UPF2: variants seen among roughly 807,000 people sequenced by gnomAD.
UPF2 encodes regulator of nonsense transcripts 2.
A neutral mutation model predicts 141.4 loss-of-function variants in UPF2; 17 were observed. The observed-to-expected ratio is 0.12, with a 90% confidence interval of 0.08 to 0.18. The LOEUF is 0.18. UPF2 is among the 10% of genes least tolerant of loss of function. UPF2 has a pLI of 1.00. For missense variants in UPF2, 1,152 were observed against 1,515.9 expected (o/e 0.76, Z 3.99); for synonymous variants, 540 against 498.0 (o/e 1.08, Z -1.12).
At chr10:12,026,325 A>G (rs374766477) in intron 3 of UPF2, among the ~76,000 whole-genome samples, 243 of 152,332 alleles carry the variant, frequency 1.6e-3, no homozygotes, top group African/African-American at 5.7e-3. Context: ...ACAACAAGGT[A>G]GCTATAAAAA....
chr10:12,004,670 T>G lies in UPF2; in HGVS notation c.1364A>C (p.Glu455Ala), dbSNP rs1221064900. 1 of 1,613,822 alleles carries G rather than the reference T, an allele frequency of 6.2e-7. No homozygotes were observed. Among genetic ancestry groups the G allele is most frequent in the East Asian group, 2.2e-5 (1 of 44,796 alleles). ...ATCTTCATCTTCCCATATACCACCT[T>G]CCAAGTCATATTCTCCAGGTTTACC... is the stretch of plus-strand genomic sequence containing the variant. ...TPGKPGEYDL[E>A]GGIWEDEDAR... The change falls in exon 5 of 22, where the codon GAA becomes GCA. Residue 455 changes from glutamate to alanine, a missense_variant. Around this residue, in one of 4 missense-constraint regions of UPF2, gnomAD observed 739 missense variants for 1,032.2 expected, o/e 0.72. Transcript: ENST00000357604.
intron 2 of UPF2, among the ~76,000 whole-genome samples, chr10:12,032,002 G>A (rs1419280289): frequency 6.6e-6 from 1 of 152,180 alleles, no homozygotes; most frequent in Non-Finnish European, 1.5e-5. Context: ...TTTTAAGAAA[G>A]TATGTACAAG....
intron 9 of UPF2, among the ~76,000 whole-genome samples, chr10:11,976,346 G>T (rs1833506692): frequency 6.6e-6 from 1 of 152,236 alleles, no homozygotes; most frequent in African/African-American, 2.4e-5. Context: ...AGTGGCAGGA[G>T]GTATGAAGAG....
chr10:11,961,720 G>T (rs528910039), intron 11 of UPF2, among the ~76,000 whole-genome samples: 25 of 152,182 alleles, frequency 1.6e-4, no homozygotes, highest in Non-Finnish European at 3.4e-4. Flanking sequence ...ACCTAAAACA[G>T]TGCCTGACAG....
chr10:12,012,542 G>C (rs1834146672), intron 4 of UPF2, among the ~76,000 whole-genome samples: 1 of 152,018 alleles, frequency 6.6e-6, no homozygotes, highest in Non-Finnish European at 1.5e-5. Flanking sequence ...CACATTGGGA[G>C]GCCGAGGTGT....
intron 2 of UPF2, among the ~76,000 whole-genome samples, chr10:12,032,633 G>C (rs1834545458): frequency 6.6e-6 from 1 of 151,822 alleles, no homozygotes; most frequent in Non-Finnish European, 1.5e-5. Context: ...AGCTACTCAA[G>C]AGGCAGAGGC....
chr10:12,032,732 T>A (rs571155108), intron 2 of UPF2, among the ~76,000 whole-genome samples: 2 of 133,210 alleles, frequency 1.5e-5, no homozygotes, highest in Non-Finnish European at 3.2e-5. Context: ...AGCAAGACCC[T>A]GTCTCAAAAA....
At chr10:11,991,786 A>C (rs1445014423) in intron 8 of UPF2, among the ~76,000 whole-genome samples, 1 of 152,208 alleles carries the variant, frequency 6.6e-6, no homozygotes, top group East Asian at 1.9e-4. Context: ...CATAGCCCCA[A>C]TTCTGAACAT....
chr10:11,942,959 AT>A (rs2131171286), intron 17 of UPF2, 104 bp downstream of exon 17: 2 of 983,872 alleles, frequency 2.0e-6, no homozygotes, highest in East Asian at 5.2e-5. Flanking sequence ...TTCTAAAGAA[AT>A]ATTTTTCATA....
chr10:11,938,868 T>TTTTTTTTTTTTTTTTG (rs1832897282), intron 18 of UPF2, among the ~76,000 whole-genome samples: 7 of 90,822 alleles, frequency 7.7e-5, no homozygotes, highest in African/African-American at 1.5e-4. Context: ...TTTTTTTTTT[T>TTTTTTTTTTTTTTTTG]TTTTTTTTTT....
At chr10:11,926,441 C>CA (rs2131146408) in intron 21 of UPF2, among the ~76,000 whole-genome samples, 1 of 152,252 alleles carries the variant, frequency 6.6e-6, no homozygotes, top group Non-Finnish European at 1.5e-5. Flanking sequence ...GAAGAGGGCC[C>CA]AGGCTGAGCC....
At chr10:12,021,501 G>A (rs982443272) in intron 3 of UPF2, among the ~76,000 whole-genome samples, 4 of 152,068 alleles carry the variant, frequency 2.6e-5, no homozygotes, top group South Asian at 2.1e-4. Context: ...CAGCCTGGGT[G>A]ACAGGGAAAG....
chr10:12,018,353 C>T (rs561094554), intron 3 of UPF2, among the ~76,000 whole-genome samples: 2 of 152,094 alleles, frequency 1.3e-5, no homozygotes, highest in East Asian at 1.9e-4. Context: ...GAGGCTGAGG[C>T]GGGTGGACCA....
intron 8 of UPF2, among the ~76,000 whole-genome samples, chr10:11,991,690 T>C (rs1434560874): frequency 3.3e-5 from 5 of 151,934 alleles, no homozygotes; most frequent in African/African-American, 4.8e-5. Context: ...CAAATGACTA[T>C]TGAGTGACAC....
chr10:11,953,746 A>C lies in UPF2; in HGVS notation c.2850+1486T>G, dbSNP rs76034226. 7.1e-3 allele frequency among the ~76,000 whole-genome samples: 1,080 copies of C among 152,268 alleles called. 15 individuals carry two copies. Among genetic ancestry groups the C allele is most frequent in the African/African-American group, 0.024 (1,010 of 41,532 alleles). On this transcript the variant is annotated intron_variant, in intron 14 of 21. Coordinates refer to ENST00000357604, the MANE Select transcript of UPF2 (RefSeq NM_015542.4). The surrounding 1 kb of genome is among the most constrained non-coding windows in gnomAD (Gnocchi z 5.0). ...CATACAACAGGGACTGCAACCCTCA[A>C]ATCTGCAAGTCCTTTTCCCCACTTT...
At chr10:11,981,140 G>A (rs1028013269) in intron 8 of UPF2, among the ~76,000 whole-genome samples, 8 of 152,200 alleles carry the variant, frequency 5.3e-5, no homozygotes, top group African/African-American at 1.9e-4. Context: ...TCCAGTCTGG[G>A]CCACAGAGCG....
intron 12 of UPF2, among the ~76,000 whole-genome samples, chr10:11,958,582 G>C (rs1833191578): frequency 6.6e-6 from 1 of 152,090 alleles, no homozygotes; most frequent in South Asian, 2.1e-4. Flanking sequence ...ATTCTACCCT[G>C]TATTATATGT....
intron 5 of UPF2, 62 bp from the exon 6 acceptor site, chr10:12,001,887 A>C: frequency 1.4e-6 from 2 of 1,451,366 alleles, no homozygotes; most frequent in East Asian, 4.9e-5. Flanking sequence ...GCTGCACAAA[A>C]GTAGATTAAG....
intron 18 of UPF2, among the ~76,000 whole-genome samples, chr10:11,938,119 A>AT (rs1425918530): frequency 3.3e-5 from 5 of 152,076 alleles, no homozygotes; most frequent in African/African-American, 9.6e-5. Flanking sequence ...GTTCTTTTGG[A>AT]TTTTTTCTTG....
Sources: allele counts gnomAD v4.1 joint callset (sites outside exome capture counted in the v4.1 genomes callset), GRCh38; gene constraint gnomAD v4.1.1; regional missense constraint gnomAD v4.1.1; non-coding constraint Gnocchi (gnomAD v3.1); transcripts MANE v1.5; gene names NCBI Gene and HGNC (gene_info 2026-07-23, HGNC 2026-07-21).